The following MYH7 variants were observed in gnomAD, a reference collection of about 807,000 sequenced individuals.
MYH7 encodes the protein myosin-7.
A neutral mutation model predicts 225.4 loss-of-function variants in MYH7; 129 were observed. That is an observed-to-expected ratio of 0.57 (90% CI 0.50 to 0.66). The LOEUF is 0.66. MYH7 is among the 30% of genes least tolerant of loss of function. The probability of loss-of-function intolerance (pLI) is 0.00; values close to 1 mark genes in which losing one functional copy is unlikely to be tolerated. For synonymous variants in MYH7, 971 were observed against 1,007.6 expected (o/e 0.96, Z 0.69); for missense variants, 1,649 against 2,517.0 (o/e 0.66, Z 7.38).
intron 37 of MYH7, among the ~76,000 whole-genome samples, 161 bp downstream of exon 37, chr14:23,414,834 A>G (rs1487373968): frequency 1.3e-5 from 2 of 152,134 alleles, no homozygotes; most frequent in Non-Finnish European, 2.9e-5. Context: ...CCTCTGAGCT[A>G]GGGGACATTC....
At position 23,432,649 on chromosome 14, in the gene MYH7, G is replaced by A. The variant is rs2138684408; in HGVS notation, c.492C>T (p.Tyr164=). The change falls in exon 5 of 40, where the codon TAC becomes TAT. Residue 164 remains tyrosine (Y), a synonymous_variant. Coordinates refer to ENST00000355349, the MANE Select transcript of MYH7 (RefSeq NM_000257.4). ...IFSISDNAYQ[Y]MLTDRENQSI... ...TCCAGGGCCTCTCACCTGTCAGCATGTACTGATAGGCGTTGTCGGAGATGG... is the reference window on the plus strand; with the variant it reads ...TCCAGGGCCTCTCACCTGTCAGCATATACTGATAGGCGTTGTCGGAGATGG... The A allele has an allele frequency of 1.2e-6, 2 of 1,614,142 alleles. No individual in the cohort carries two copies. The highest frequency in any genetic ancestry group is 1.7e-6 in the Non-Finnish European group (2 of 1,180,022).
chr14:23,414,512 G>C (rs1892104410), intron 37 of MYH7, among the ~76,000 whole-genome samples: 1 of 152,174 alleles, frequency 6.6e-6, no homozygotes, highest in African/African-American at 2.4e-5. Flanking sequence ...CTAAGTTAAG[G>C]ACAAAGTGTG....
chr14:23,429,627 G>A (rs1453380367), intron 12 of MYH7, 148 bp downstream of exon 12: 2 of 1,168,036 alleles, frequency 1.7e-6, no homozygotes, highest in African/African-American at 1.6e-5. Context: ...AGTGAGCCAA[G>A]ATCGTGCCAC....
In MYH7 at chr14:23,425,452, G is replaced by T; in HGVS notation, c.2287-34C>A. 2 of 1,613,964 alleles carry T rather than the reference G, an allele frequency of 1.2e-6. No individual in the cohort carries two copies. Among genetic ancestry groups the T allele is most frequent in the Non-Finnish European group, 1.7e-6 (2 of 1,180,022 alleles). ...AAGGTGTGTGTTGGCCATGACTAGGGAGGGGTACGAGGGAAAGAGATGGTG... is the reference window on the plus strand; with the variant it reads ...AAGGTGTGTGTTGGCCATGACTAGGTAGGGGTACGAGGGAAAGAGATGGTG... On this transcript the variant is annotated intron_variant, in intron 20 of 39. Transcript: ENST00000355349. This position sits in a 1 kb window ranked among gnomAD's most constrained non-coding sequence, Gnocchi z 4.6.
At position 23,432,750 on chromosome 14, in the gene MYH7, G is replaced by C. The variant is rs1566538149; in HGVS notation, c.391C>G (p.Leu131Val). 1 of 1,614,200 alleles carries C rather than the reference G, an allele frequency of 6.2e-7. No homozygotes were observed. Among genetic ancestry groups the C allele is most frequent in the East Asian group, 2.2e-5 (1 of 44,882 alleles). ...ACCACCTCAGGAGTGTACACCGGCA[G>C]CCACTTGTAAGGGTTGACGGTGACA... ...FCVTVNPYKW[L>V]PVYTPEVVAA... Residue 131 changes from leucine (L) to valine (V), a missense_variant, in exon 5 of 40, where the codon CTG (leucine) becomes GTG (valine). Physicochemically the swap from Leu to Val is conservative, Grantham distance 32 (BLOSUM62 1). This residue lies in a region of MYH7 where 77 missense variants were observed against 144.0 expected (regional missense o/e 0.53). Transcript: ENST00000355349.
At position 23,415,075 on chromosome 14, in the gene MYH7, C is replaced by G; in HGVS notation, c.5479G>C (p.Glu1827Gln). 1 of 1,613,742 alleles carries G rather than the reference C, an allele frequency of 6.2e-7. No individual in the cohort carries two copies. The highest frequency in any genetic ancestry group is 1.7e-5 in the Admixed American group (1 of 60,030). Residue 1827 changes from glutamate to glutamine, a missense_variant, in exon 37 of 40, where the codon GAG becomes CAG. This residue lies in a region of MYH7 where 687 missense variants were observed against 913.8 expected (regional missense o/e 0.75). Transcript: ENST00000355349. This position sits in a 1 kb window ranked among gnomAD's most constrained non-coding sequence, Gnocchi z 6.3. ...ARVRELENEL[E>Q]AEQKRNAESV... ...TCTGCGTTGCGCTTCTGCTCGGCCT[C>G]CAGCTCATTCTCCAGCTCCCGCACC...
intron 12 of MYH7, among the ~76,000 whole-genome samples, 167 bp downstream of exon 12, chr14:23,429,608 G>T (rs1003270563): frequency 6.6e-6 from 1 of 151,470 alleles, no homozygotes; most frequent in Non-Finnish European, 1.5e-5. Flanking sequence ...CCCAGGATGT[G>T]GAGGTGGCAG....
chr14:23,417,623 G>A lies in MYH7; in HGVS notation c.4233C>T (p.Cys1411=). 6.2e-7 allele frequency: 1 copy of A among 1,612,992 alleles called. No homozygotes were observed. The highest frequency in any genetic ancestry group is 8.5e-7 in the Non-Finnish European group (1 of 1,180,038). ...GGTGCTTGGTCTTCTCCAGCGAGGA[G>A]CACTTGGCATTAACAGCCTCCACGG... is the stretch of plus-strand genomic sequence containing the variant. The part of the protein sequence containing the change: ...EEAVEAVNAK[C]SSLEKTKHRL... Residue 1411 remains cysteine (C), a synonymous_variant, in exon 31 of 40, where the codon TGC becomes TGT. Coordinates refer to ENST00000355349, the MANE Select transcript of MYH7 (RefSeq NM_000257.4).
chr14:23,433,550 G>T lies in MYH7; in HGVS notation c.183C>A (p.Ala61=), dbSNP rs370743876. ...IVSREGGKVT[A]ETEYGKTVTV... ...CACCCACCTTGCCATACTCGGTCTC[G>T]GCAGTGACTTTGCCACCCTCTCGAG... Residue 61 remains alanine (A), a synonymous_variant, in exon 3 of 40, where the codon GCC becomes GCA. Transcript: ENST00000355349. This position sits in a 1 kb window ranked among gnomAD's most constrained non-coding sequence, Gnocchi z 4.1. 2 of 1,613,942 alleles carry T rather than the reference G, an allele frequency of 1.2e-6. No individual in the cohort carries two copies. The highest frequency in any genetic ancestry group is 1.7e-6 in the Non-Finnish European group (2 of 1,180,022).
intron 25 of MYH7, chr14:23,421,725 C>G: frequency 1.0e-6 from 1 of 984,946 alleles, no homozygotes; most frequent in Non-Finnish European, 1.2e-6. Context: ...AGAATTGGAA[C>G]CACAAGTTAA....
At chr14:23,430,775 C>T in intron 10 of MYH7, 112 bp from the exon 11 acceptor site, 1 of 1,279,336 alleles carries the variant, frequency 7.8e-7, no homozygotes. Flanking sequence ...GGCTTGGCCC[C>T]ACATCCCACT....
At position 23,415,517 on chromosome 14, in the gene MYH7, G is replaced by A; in HGVS notation, c.5158-11C>T. 6.2e-7 allele frequency: 1 copy of A among 1,614,220 alleles called. No homozygotes were observed. Among genetic ancestry groups the A allele is most frequent in the Non-Finnish European group, 8.5e-7 (1 of 1,180,046 alleles). On this transcript the variant is annotated splice_polypyrimidine_tract_variant and intron_variant, in intron 35 of 39. Coordinates refer to ENST00000355349, the MANE Select transcript of MYH7 (RefSeq NM_000257.4). The surrounding 1 kb of genome is among the most constrained non-coding windows in gnomAD (Gnocchi z 6.3). ...GATGAGGCTGGTGTTCTGGGTTGGG[G>A]GAGGGTTGGGCAGAGCAGGAAAAGC... is the stretch of plus-strand genomic sequence containing the variant.
In MYH7 at chr14:23,428,011, C is replaced by T. The variant is rs1892764394; in HGVS notation, c.1579-117G>A. On this transcript the variant is annotated intron_variant, in intron 15 of 39. Transcript: ENST00000355349. Reference sequence around the variant, plus strand: ...CCATGTTGGGTGTTAAGGTAGTAGGCTCAGCTCTGAGTACAGTTATCTACT... The same window carrying T: ...CCATGTTGGGTGTTAAGGTAGTAGGTTCAGCTCTGAGTACAGTTATCTACT... The T allele has an allele frequency of 9.8e-6, 13 of 1,322,196 alleles. No individual in the cohort carries two copies. In the South Asian group the frequency reaches 1.2e-4, roughly 12 times the overall value. The allele number at this position is 1,322,196 out of a possible 1,614,324, so 81.9% of individuals were successfully genotyped here. A position where few individuals can be genotyped will look rare whatever the true frequency, so the allele number is the denominator to read the frequency against.
intron 11 of MYH7, among the ~76,000 whole-genome samples, chr14:23,430,291 C>T (rs1336963396): frequency 6.6e-6 from 1 of 152,166 alleles, no homozygotes; most frequent in East Asian, 1.9e-4. Flanking sequence ...TCGTCCTGCT[C>T]CCTCGGTGAT....
intron 1 of MYH7, among the ~76,000 whole-genome samples, chr14:23,434,976 C>A (rs978198828): frequency 2.0e-5 from 3 of 151,920 alleles, no homozygotes; most frequent in Non-Finnish European, 4.4e-5. Context: ...GCCTCAACAG[C>A]AAATGTGCAC....
Position 23,431,761 on chromosome 14 carries a change from C to G in MYH7, c.639G>C (p.Lys213Asn), listed in dbSNP as rs1892953374. 1 of 1,614,254 alleles carries G rather than the reference C, an allele frequency of 6.2e-7. No individual in the cohort carries two copies. Among genetic ancestry groups the G allele is most frequent in the Non-Finnish European group, 8.5e-7 (1 of 1,180,034 alleles). ...GGACCTTGGAGGGCAGCAGGCCTAC[C>G]TTGCCCGGGCTCTGGTCCTTCTTGC... ...DRSKKDQSPGKGTLEDQIIQA... is the reference protein window; with the variant it reads ...DRSKKDQSPGNGTLEDQIIQA... Residue 213 changes from lysine to asparagine, a missense_variant and splice_region_variant, in exon 7 of 40, where the codon AAG becomes AAC. Transcript: ENST00000355349.
chr14:23,417,495 G>T lies in MYH7; in HGVS notation c.4353+8C>A, dbSNP rs201253277. 25 of 1,612,270 alleles carry T rather than the reference G, an allele frequency of 1.6e-5. No individual in the cohort carries two copies. In the African/African-American group the frequency reaches 1.7e-4, roughly 11 times the overall value. On this transcript the variant is annotated splice_region_variant and intron_variant, in intron 31 of 39. Coordinates refer to ENST00000355349, the MANE Select transcript of MYH7 (RefSeq NM_000257.4). Reference sequence around the variant, plus strand: ...GCATGCTGGCTGCGGCCCCCACCCAGGGCCCACCTTGTCGAAGTTCCTCTG... The same window carrying T: ...GCATGCTGGCTGCGGCCCCCACCCATGGCCCACCTTGTCGAAGTTCCTCTG...
At chr14:23,418,092 T>C in intron 30 of MYH7, 118 bp downstream of exon 30, 2 of 1,471,470 alleles carry the variant, frequency 1.4e-6, no homozygotes. Context: ...GGCAGAGTCC[T>C]CCTGTGTTGT....
intron 30 of MYH7, chr14:23,417,904 A>G (rs1892293013): frequency 2.3e-6 from 2 of 878,096 alleles, no homozygotes; most frequent in East Asian, 2.4e-5. Context: ...CCTCTGCGCT[A>G]TGGACATTGA....
Sources: allele counts gnomAD v4.1 joint callset (sites outside exome capture counted in the v4.1 genomes callset), GRCh38; gene constraint gnomAD v4.1.1; regional missense constraint gnomAD v4.1.1; non-coding constraint Gnocchi (gnomAD v3.1); transcripts MANE v1.5; gene names NCBI Gene and HGNC (gene_info 2026-07-23, HGNC 2026-07-21).